COL1A2: variants seen among roughly 807,000 people sequenced by gnomAD.
COL1A2 encodes the protein collagen type I alpha 2 chain.
Under a neutral mutation model 174.3 loss-of-function variants are expected in COL1A2, and 49 were observed. The observed-to-expected ratio is 0.28, with a 90% CI of 0.22 to 0.36. The LOEUF is 0.36. COL1A2 is among the 10% of genes least tolerant of loss of function. The probability of loss-of-function intolerance (pLI) is 1.00; values close to 1 mark genes in which losing one functional copy is unlikely to be tolerated. For synonymous variants in COL1A2, 655 were observed against 606.6 expected (o/e 1.08, Z -1.17); for missense variants, 1,438 against 1,822.7 (o/e 0.79, Z 3.84).
chr7:94,411,109 T>A lies in COL1A2; in HGVS notation c.1305T>A (p.Asn435Lys). The A allele has an allele frequency of 5.0e-6, 8 of 1,604,088 alleles. No homozygotes were observed. The highest frequency in any genetic ancestry group is 6.8e-6 in the Non-Finnish European group (8 of 1,175,194). ...ASGPAGVRGP[N>K]GDAGRPGEPG... ...GCCCTGCTGGAGTCCGAGGACCTAA[T>A]GGAGATGCTGGTCGCCCTGGGGAGC... The change falls in exon 23 of 52, where the codon AAT becomes AAA. Residue 435 changes from asparagine to lysine, a missense_variant. Asn to Lys is a moderately conservative substitution (Grantham distance 94). Around this residue, in one of 3 missense-constraint regions of COL1A2, gnomAD observed 867 missense variants for 1,213.7 expected, o/e 0.71. Transcript: ENST00000297268.
In COL1A2 at chr7:94,428,341, A is replaced by G. The variant is rs1173170816; in HGVS notation, c.3575A>G (p.Lys1192Arg). Reference sequence around the variant, plus strand: ...CAAGGATGCACTATGGATGCTATCAAAGTATACTGTGATTTCTCTACTGGC... The same window carrying G: ...CAAGGATGCACTATGGATGCTATCAGAGTATACTGTGATTTCTCTACTGGC... ...PNQGCTMDAI[K>R]VYCDFSTGET... is the part of the protein sequence containing the mutation. Residue 1192 changes from lysine to arginine, a missense_variant, in exon 50 of 52, where the codon AAA becomes AGA. Lys to Arg is a conservative substitution (Grantham distance 26, BLOSUM62 2). Transcript: ENST00000297268. 2.5e-6 allele frequency: 4 copies of G among 1,614,054 alleles called. No individual in the cohort carries two copies. Among genetic ancestry groups the G allele is most frequent in the Non-Finnish European group, 3.4e-6 (4 of 1,179,902 alleles).
Position 94,426,443 on chromosome 7 carries a change from C to A in COL1A2, c.3018C>A (p.Gly1006=), listed in dbSNP as rs62001059. ...TATAGGGCCCACAAGGCATTCGTGG[C>A]GATAAGGGAGAGCCCGGTGAAAAGG... The part of the protein sequence containing the change: ...RGPSGPQGIR[G]DKGEPGEKGP... Residue 1006 remains glycine (G), a synonymous_variant, in exon 46 of 52, where the codon GGC becomes GGA. Transcript: ENST00000297268. 1.2e-6 allele frequency: 2 copies of A among 1,602,226 alleles called. No individual in the cohort carries two copies. Among genetic ancestry groups the A allele is most frequent in the Non-Finnish European group, 1.7e-6 (2 of 1,174,798 alleles).
At chr7:94,417,565 G>A (rs1462209455) in intron 31 of COL1A2, 159 bp from the exon 32 acceptor site, 19 of 670,436 alleles carry the variant, frequency 2.8e-5, no homozygotes, top group Non-Finnish European at 4.1e-5. Flanking sequence ...ATCTCTCTCT[G>A]CTATATTCTC....
chr7:94,406,158 A>G (rs1562899464), intron 11 of COL1A2, 92 bp from the exon 12 acceptor site: 3 of 1,346,262 alleles, frequency 2.2e-6, no homozygotes, highest in Non-Finnish European at 3.2e-6. Context: ...AGACTTACCC[A>G]AGAGAGATTA....
At chr7:94,410,353 C>T in intron 20 of COL1A2, 58 bp downstream of exon 20, 2 of 1,603,048 alleles carry the variant, frequency 1.2e-6, no homozygotes, top group Non-Finnish European at 1.7e-6. Context: ...ATTCCAGTTT[C>T]TCCAGCTGGA....
intron 48 of COL1A2, 67 bp from the exon 49 acceptor site, chr7:94,427,560 G>A (rs1792304801): frequency 6.4e-7 from 1 of 1,565,114 alleles, no homozygotes; most frequent in Admixed American, 1.7e-5. Context: ...CTGAAAATCT[G>A]CTGCCATGGA....
chr7:94,397,538 A>C (rs1195879269), intron 1 of COL1A2, among the ~76,000 whole-genome samples: 1 of 152,092 alleles, frequency 6.6e-6, no homozygotes, highest in Non-Finnish European at 1.5e-5. Flanking sequence ...TTTACATATT[A>C]ATATTGCAAA....
chr7:94,428,134 A>G (rs1283725896), intron 49 of COL1A2, among the ~76,000 whole-genome samples, 159 bp from the exon 50 acceptor site: 1 of 152,174 alleles, frequency 6.6e-6, no homozygotes, highest in Non-Finnish European at 1.5e-5. Flanking sequence ...GAGGGAAGGA[A>G]CTGTCTAATC....
chr7:94,410,137 T>C, intron 19 of COL1A2, 105 bp from the exon 20 acceptor site: 1 of 1,151,234 alleles, frequency 8.7e-7, no homozygotes, highest in Non-Finnish European at 1.3e-6. Flanking sequence ...CCTAGAGAAC[T>C]TGAGCTTCTC....
At chr7:94,397,661 C>A in intron 1 of COL1A2, 87 bp from the exon 2 acceptor site, 3 of 762,598 alleles carry the variant, frequency 3.9e-6, no homozygotes, top group Non-Finnish European at 4.4e-6. Flanking sequence ...ATTCTATAAA[C>A]TTGTTTCTCT....
Position 94,411,049 on chromosome 7 carries a change from T to G in COL1A2, c.1252-7T>G, listed in dbSNP as rs1562901643. 1.3e-6 allele frequency: 2 copies of G among 1,573,898 alleles called. No individual in the cohort carries two copies. The highest frequency in any genetic ancestry group is 1.7e-6 in the Non-Finnish European group (2 of 1,156,280). ...CCTCTATCTGTTTTTTTTTTTTTTT[T>G]GAATAGGGCCCTCCTGGTAGTCGTG... On this transcript the variant is annotated splice_polypyrimidine_tract_variant and splice_region_variant and intron_variant, in intron 22 of 51. Coordinates refer to ENST00000297268, the MANE Select transcript of COL1A2 (RefSeq NM_000089.4).
At chr7:94,409,299 C>T (rs776930833) in intron 16 of COL1A2, 23 bp from the exon 17 acceptor site, 105 of 1,603,834 alleles carry the variant, frequency 6.5e-5, no homozygotes, top group Non-Finnish European at 2.8e-5. Flanking sequence ...TGGTTAATTC[C>T]TTGGTTTAAT....
chr7:94,405,887 G>A (rs911555406), intron 11 of COL1A2, among the ~76,000 whole-genome samples, 161 bp downstream of exon 11: 1 of 152,132 alleles, frequency 6.6e-6, no homozygotes, highest in African/African-American at 2.4e-5. Flanking sequence ...AAAGTAAAGT[G>A]GGGTGCAATT....
intron 12 of COL1A2, among the ~76,000 whole-genome samples, chr7:94,406,939 T>G (rs1044908378): frequency 6.6e-6 from 1 of 152,160 alleles, no homozygotes; most frequent in African/African-American, 2.4e-5. Context: ...GAAATGAACA[T>G]GAATATGGAG....
chr7:94,411,089 G>C lies in COL1A2; in HGVS notation c.1285G>C (p.Ala429Pro), dbSNP rs546313661. 8.1e-6 allele frequency: 13 copies of C among 1,602,080 alleles called. No homozygotes were observed. In the South Asian group the frequency reaches 1.5e-4, roughly 18 times the overall value. Residue 429 changes from alanine (A) to proline (P), a missense_variant, in exon 23 of 52, where the codon GCT becomes CCT. Ala to Pro is a conservative substitution (Grantham distance 27, BLOSUM62 -1). Coordinates refer to ENST00000297268, the MANE Select transcript of COL1A2 (RefSeq NM_000089.4). ...PPGSRGASGP[A>P]GVRGPNGDAG... is the part of the protein sequence containing the mutation. ...TGGTAGTCGTGGTGCAAGTGGCCCT[G>C]CTGGAGTCCGAGGACCTAATGGAGA...
At chr7:94,403,720 G>A (rs984117256) in intron 6 of COL1A2, among the ~76,000 whole-genome samples, 2 of 152,096 alleles carry the variant, frequency 1.3e-5, no homozygotes, top group South Asian at 2.1e-4. Context: ...CTGATGTCAT[G>A]AACAAATTAC....
chr7:94,400,780 CT>C (rs1422245339), intron 5 of COL1A2, among the ~76,000 whole-genome samples: 3 of 152,132 alleles, frequency 2.0e-5, no homozygotes, highest in Non-Finnish European at 4.4e-5. Context: ...CTTCTTTTAG[CT>C]TCATGTCTTT....
intron 24 of COL1A2, 94 bp downstream of exon 24, chr7:94,412,215 A>C: frequency 9.6e-7 from 1 of 1,044,808 alleles, no homozygotes; most frequent in East Asian, 2.5e-5. Context: ...GAACACATTG[A>C]AAATAAATAT....
intron 19 of COL1A2, 104 bp downstream of exon 19, chr7:94,409,925 C>T: frequency 8.5e-7 from 1 of 1,175,624 alleles, no homozygotes; most frequent in South Asian, 1.3e-5. Flanking sequence ...TCCTATTTTT[C>T]TCTTCCTTAG....
Sources: gnomAD v4.1 joint callset for allele counts (sites outside exome capture counted in the v4.1 genomes callset) on GRCh38, gnomAD v4.1.1 for gene constraint, gnomAD v4.1.1 regional missense constraint, MANE v1.5 for transcripts, NCBI Gene and HGNC (gene_info 2026-07-23, HGNC 2026-07-21) for gene names.